PCDHGA2: variants seen among roughly 807,000 people sequenced by gnomAD.
PCDHGA2 encodes protocadherin gamma-A2.
In PCDHGA2, 40 loss-of-function variants were observed where a neutral mutation model predicts 59.2. The observed-to-expected ratio is 0.68, with a 90% CI of 0.52 to 0.88. The LOEUF is 0.88. Ranked by LOEUF, PCDHGA2 falls within the 40% of genes least tolerant of loss-of-function variation. PCDHGA2 has a pLI of 0.00. For synonymous variants in PCDHGA2, 560 were observed against 526.0 expected (o/e 1.06, Z -0.89); for missense variants, 1,226 against 1,204.0 (o/e 1.02, Z -0.27).
chr5:141,480,710 T>C (rs1174000425), intron 1 of PCDHGA2, among the ~76,000 whole-genome samples: 1 of 152,042 alleles, frequency 6.6e-6, no homozygotes, highest in East Asian at 1.9e-4. Context: ...CCCCGACAAA[T>C]GAAAGCACAG....
intron 1 of PCDHGA2, chr5:141,418,595 G>GT (rs2096273873): frequency 6.2e-7 from 1 of 1,613,928 alleles, no homozygotes; most frequent in African/African-American, 1.3e-5. Context: ...CAGCCAGGAC[G>GT]TGTACAGGGT....
intron 1 of PCDHGA2, chr5:141,370,878 G>C (rs906619365): frequency 3.7e-6 from 6 of 1,613,918 alleles, no homozygotes; most frequent in Non-Finnish European, 5.1e-6. Flanking sequence ...AGATCCTGAT[G>C]TAGGTGTCAA....
rs1756792469 is a variant in PCDHGA2 at position 141,338,949 on chromosome 5, G to C, written c.-23G>C. ...GCACTGGATGCTGGAAGTTGACTCG[G>C]AGAAAATTGCGACAGGAGGGAAATG... On this transcript the variant is annotated 5_prime_UTR_variant, in exon 1 of 4. Coordinates refer to ENST00000394576, the MANE Select transcript of PCDHGA2 (RefSeq NM_018915.4). 1 of 1,524,042 alleles carries C rather than the reference G, an allele frequency of 6.6e-7. No homozygotes were observed. Among genetic ancestry groups the C allele is most frequent in the Admixed American group, 2.2e-5 (1 of 46,024 alleles). The allele number at this position is 1,524,042 out of a possible 1,614,324, so 94.4% of individuals were successfully genotyped here.
chr5:141,402,430 C>T (rs1026560659), intron 1 of PCDHGA2, among the ~76,000 whole-genome samples: 2 of 151,802 alleles, frequency 1.3e-5, no homozygotes, highest in African/African-American at 4.8e-5. Flanking sequence ...ATTGAAGCAT[C>T]ATAAAAAGGA....
chr5:141,351,943 C>G, intron 1 of PCDHGA2: 1 of 1,613,168 alleles, frequency 6.2e-7, no homozygotes, highest in Non-Finnish European at 8.5e-7. Flanking sequence ...TGCTGTACCC[C>G]GCGCTGGGGC....
intron 1 of PCDHGA2, chr5:141,374,308 C>T: frequency 6.2e-7 from 1 of 1,613,970 alleles, no homozygotes; most frequent in Non-Finnish European, 8.5e-7. Flanking sequence ...TGCAGCTTTT[C>T]TCTCTGAATC....
At chr5:141,376,472 T>C (rs1561574117) in intron 1 of PCDHGA2, 1 of 1,614,108 alleles carries the variant, frequency 6.2e-7, no homozygotes, top group Non-Finnish European at 8.5e-7. Context: ...AACTCAGGAT[T>C]TACTTGAAAC....
intron 1 of PCDHGA2, among the ~76,000 whole-genome samples, chr5:141,452,353 AG>A (rs556616398): frequency 5.9e-5 from 9 of 152,206 alleles, no homozygotes; most frequent in Non-Finnish European, 1.3e-4. Context: ...TTTATCCAAA[AG>A]CCTTGCTTCA....
intron 1 of PCDHGA2, chr5:141,379,506 A>T (rs774188975): frequency 9.2e-5 from 14 of 152,280 alleles, no homozygotes; most frequent in Non-Finnish European, 1.8e-4. Context: ...TGGGATGTTA[A>T]ACTACATCTT....
intron 1 of PCDHGA2, chr5:141,371,408 A>G (rs1767731278): frequency 6.2e-7 from 1 of 1,614,038 alleles, no homozygotes; most frequent in Admixed American, 1.7e-5. Flanking sequence ...TAGATATTTC[A>G]GATGAAAATG....
In PCDHGA2 at chr5:141,413,416, C is replaced by G. The variant is rs893515703; in HGVS notation, c.2424+72021C>G. ...CAGAGGTAGGACGCAGCTTTTCTCT[C>G]TGAACCCGCGCAGCGGCAGCTTGAT... On this transcript the variant is annotated intron_variant, in intron 1 of 3. Transcript: ENST00000394576. 1 of 1,614,100 alleles carries G rather than the reference C, an allele frequency of 6.2e-7. No individual in the cohort carries two copies. Among genetic ancestry groups the G allele is most frequent in the Admixed American group, 1.7e-5 (1 of 60,034 alleles).
At position 141,432,203 on chromosome 5, in the gene PCDHGA2, G is replaced by A. The variant is rs1282888078; in HGVS notation, c.2425-62604G>A. The A allele has an allele frequency of 3.1e-6, 5 of 1,614,062 alleles. No homozygotes were observed. The highest frequency in any genetic ancestry group is 1.3e-5 in the African/African-American group (1 of 74,920). ...TGTGACCGCCCACGACCCCGACTGT[G>A]AAGAGAACGCCCAGATCACTTATTC... On this transcript the variant is annotated intron_variant, in intron 1 of 3. Transcript: ENST00000394576. The surrounding 1 kb of genome is among the most constrained non-coding windows in gnomAD (Gnocchi z 6.0).
chr5:141,383,440 G>A, intron 1 of PCDHGA2: 1 of 1,613,950 alleles, frequency 6.2e-7, no homozygotes, highest in Non-Finnish European at 8.5e-7. Context: ...CTTCTCCCTG[G>A]CTGTGCAAAG....
chr5:141,502,173 T>C (rs1377892969), intron 2 of PCDHGA2, among the ~76,000 whole-genome samples: 2 of 152,178 alleles, frequency 1.3e-5, no homozygotes, highest in African/African-American at 4.8e-5. Flanking sequence ...AGTTGAGGAA[T>C]TTAACATTAA....
chr5:141,382,789 T>A, intron 1 of PCDHGA2: 1 of 924,650 alleles, frequency 1.1e-6, no homozygotes, highest in Non-Finnish European at 1.6e-6. Flanking sequence ...CAAGCCTCTA[T>A]CCTGCTGGAT....
chr5:141,345,436 G>C (rs1757572713), intron 1 of PCDHGA2: 1 of 1,613,908 alleles, frequency 6.2e-7, no homozygotes, highest in Admixed American at 1.7e-5. Context: ...AACCCCAGAG[G>C]AGCCTCCATC....
intron 1 of PCDHGA2, among the ~76,000 whole-genome samples, chr5:141,463,314 A>G (rs1357327211): frequency 2.0e-5 from 3 of 151,098 alleles, no homozygotes; most frequent in Non-Finnish European, 2.9e-5. Context: ...TCTAATATCT[A>G]TTCCTCAACT....
intron 1 of PCDHGA2, among the ~76,000 whole-genome samples, chr5:141,401,846 A>G (rs1168982151): frequency 6.6e-6 from 1 of 152,216 alleles, no homozygotes; most frequent in Non-Finnish European, 1.5e-5. Context: ...AATACCACTT[A>G]CTTTTAACCT....
intron 1 of PCDHGA2, among the ~76,000 whole-genome samples, chr5:141,472,711 C>T (rs1014451209): frequency 4.6e-5 from 7 of 151,904 alleles, no homozygotes; most frequent in Admixed American, 2.0e-4. Context: ...ACAGGCCAGG[C>T]GCTGTGGCTC....
Sources: allele counts gnomAD v4.1 joint callset (sites outside exome capture counted in the v4.1 genomes callset), GRCh38; gene constraint gnomAD v4.1.1; non-coding constraint Gnocchi (gnomAD v3.1); transcripts MANE v1.5; gene names NCBI Gene and HGNC (gene_info 2026-07-23, HGNC 2026-07-21).